Variants in SLC47A1 observed in about 807,000 individuals in gnomAD.
The protein encoded by SLC47A1 is multidrug and toxin extrusion protein 1.
A neutral mutation model predicts 65.8 loss-of-function variants in SLC47A1; 58 were observed. The ratio of observed to expected loss-of-function variants is 0.88; its 90% CI spans 0.71 to 1.10. The LOEUF (loss-of-function observed/expected upper bound fraction) is 1.10. SLC47A1 is among the 50% of genes least tolerant of loss of function. The probability of loss-of-function intolerance (pLI) is 0.00; values close to 1 mark genes in which losing one functional copy is unlikely to be tolerated. For synonymous variants in SLC47A1, 285 were observed against 295.0 expected, an observed-to-expected ratio of 0.97 and a Z score of 0.35; for missense variants, 706 against 719.2, an observed-to-expected ratio of 0.98 and a Z score of 0.21.
intron 14 of SLC47A1, among the ~76,000 whole-genome samples, chr17:19,570,667 A>T (rs1171690884): frequency 6.6e-6 from 1 of 152,096 alleles, no homozygotes; most frequent in Non-Finnish European, 1.5e-5. Context: ...TGCAAGTCTG[A>T]TTTAGGGAAG....
rs147833273 is a variant in SLC47A1, at chr17:19,561,093, A to T, written c.1106+600A>T. On this transcript the variant is annotated intron_variant, in intron 12 of 16. Transcript: ENST00000270570. Reference sequence around the variant, plus strand: ...CCAACATGGTGAAACCCCCATCTCCACTAAAAATACAAAAATTAGCTGGTC... The same window carrying T: ...CCAACATGGTGAAACCCCCATCTCCTCTAAAAATACAAAAATTAGCTGGTC... Among the ~76,000 whole-genome samples, 50 of 151,698 alleles carry T rather than the reference A, an allele frequency of 3.3e-4. No homozygotes were observed. The East Asian group carries it at 4.9e-3, about 15-fold the overall frequency.
At chr17:19,571,608 C>G (rs760610229) in intron 15 of SLC47A1, 36 bp downstream of exon 15, 8 of 1,540,946 alleles carry the variant, frequency 5.2e-6, no homozygotes, top group East Asian at 2.2e-5. Flanking sequence ...AAAGGTTCCT[C>G]TCCTAGAAAA....
At position 19,560,438 on chromosome 17, in the gene SLC47A1, A is replaced by C; in HGVS notation, c.1051A>C (p.Ser351Arg). Reference sequence around the variant, plus strand: ...TTCAGTGCTCTTTGCTGTAGCCTTCAGTGTCCTGCTGTTAAGCTGTAAGGA... The same window carrying C: ...TTCAGTGCTCTTTGCTGTAGCCTTCCGTGTCCTGCTGTTAAGCTGTAAGGA... ...LITVLFAVAFSVLLLSCKDHV... is the reference protein window; with the variant it reads ...LITVLFAVAFRVLLLSCKDHV... The change falls in exon 12 of 17, where the codon AGT (serine) becomes CGT (arginine). Residue 351 changes from serine to arginine, a missense_variant. Physicochemically the swap from Ser to Arg is moderately radical, Grantham distance 110. Coordinates refer to ENST00000270570, the MANE Select transcript of SLC47A1 (RefSeq NM_018242.3). 1 of 1,614,108 alleles carries C rather than the reference A, an allele frequency of 6.2e-7. No individual in the cohort carries two copies. Among genetic ancestry groups the C allele is most frequent in the Non-Finnish European group, 8.5e-7 (1 of 1,180,018 alleles).
chr17:19,562,491 G>A (rs1010925911), intron 12 of SLC47A1, among the ~76,000 whole-genome samples: 9 of 152,006 alleles, frequency 5.9e-5, no homozygotes, highest in African/African-American at 1.7e-4. Context: ...CTTGAACCTG[G>A]GAGACGGAGG....
intron 6 of SLC47A1, 103 bp from the exon 7 acceptor site, chr17:19,555,109 A>G (rs942902977): frequency 9.8e-7 from 1 of 1,016,464 alleles, no homozygotes; most frequent in African/African-American, 1.6e-5. Context: ...TATGCCTGTG[A>G]TACCCGCTGA....
chr17:19,555,770 T>C (rs755569293), intron 8 of SLC47A1, 26 bp from the exon 9 acceptor site: 4 of 1,613,328 alleles, frequency 2.5e-6, no homozygotes, highest in Non-Finnish European at 3.4e-6. Flanking sequence ...CCAGATCTCC[T>C]GGAAATGTGT....
chr17:19,533,936 T>C lies in SLC47A1; in HGVS notation c.-4T>C. 6.7e-7 allele frequency: 1 copy of C among 1,489,054 alleles called. No homozygotes were observed. Among genetic ancestry groups the C allele is most frequent in the East Asian group, 2.6e-5 (1 of 38,100 alleles). The allele number at this position is 1,489,054 out of a possible 1,614,324, so 92.2% of individuals were successfully genotyped here. The stretch of plus-strand genomic sequence containing the variant: ...GCGCTACCCGGCCGCAGCGCGCGAG[T>C]CACATGGAAGCTCCTGAGGAGCCCG... On this transcript the variant is annotated 5_prime_UTR_variant, in exon 1 of 17. Transcript: ENST00000270570.
At chr17:19,534,427 G>A in intron 1 of SLC47A1, 1 of 226,140 alleles carries the variant, frequency 4.4e-6, no homozygotes. Flanking sequence ...GGTCCAGGCT[G>A]CATTTGCATC....
rs936376025 is a variant in SLC47A1, at chr17:19,536,740, A to G, written c.135+2666A>G. On this transcript the variant is annotated intron_variant, in intron 1 of 16. Coordinates refer to ENST00000270570, the MANE Select transcript of SLC47A1 (RefSeq NM_018242.3). The stretch of plus-strand genomic sequence containing the variant: ...ACCACCCCCTTCTTTTCCCATGCTC[A>G]TTGTCCAATACTTTCTTCTCCAAGT... 4.0e-4 allele frequency among the ~76,000 whole-genome samples: 61 copies of G among 152,286 alleles called. 1 individual carries two copies. The highest frequency in any genetic ancestry group is 1.4e-3 in the African/African-American group (57 of 41,550).
chr17:19,571,908 G>C (rs2084402628), intron 15 of SLC47A1, among the ~76,000 whole-genome samples: 1 of 152,118 alleles, frequency 6.6e-6, no homozygotes, highest in Non-Finnish European at 1.5e-5. Flanking sequence ...TGTTTTTATG[G>C]TCTCCAAATG....
At chr17:19,534,335 C>T (rs936661869) in intron 1 of SLC47A1, 11 of 410,304 alleles carry the variant, frequency 2.7e-5, no homozygotes, top group Non-Finnish European at 4.7e-5. Flanking sequence ...CGCATGTTGG[C>T]TCGGAGAGGC....
intron 6 of SLC47A1, among the ~76,000 whole-genome samples, chr17:19,551,844 C>A (rs539066662): frequency 6.6e-6 from 1 of 152,218 alleles, no homozygotes; most frequent in Non-Finnish European, 1.5e-5. Flanking sequence ...GGGGGCAGCT[C>A]GTCTGGCAGA....
In SLC47A1 at chr17:19,560,496, G is replaced by A. The variant is rs750081973; in HGVS notation, c.1106+3G>A. ...GGGTACATTTTTACTACCGACCGGT[G>A]AGTGCTAGGATTTTCTTGAAATGTG... On this transcript the variant is annotated splice_donor_region_variant and intron_variant, in intron 12 of 16. Coordinates refer to ENST00000270570, the MANE Select transcript of SLC47A1 (RefSeq NM_018242.3). The A allele has an allele frequency of 6.2e-7, 1 of 1,614,018 alleles. No homozygotes were observed. The highest frequency in any genetic ancestry group is 8.5e-7 in the Non-Finnish European group (1 of 1,179,868).
At chr17:19,553,069 G>A (rs984354593) in intron 6 of SLC47A1, among the ~76,000 whole-genome samples, 3 of 152,116 alleles carry the variant, frequency 2.0e-5, no homozygotes, top group Non-Finnish European at 4.4e-5. Flanking sequence ...TGGGCCCCCA[G>A]GGTGGAAGGA....
Position 19,578,278 on chromosome 17 carries a change from G to A in SLC47A1, c.*725G>A, listed in dbSNP as rs1314844307. On this transcript the variant is annotated 3_prime_UTR_variant, in exon 17 of 17. Transcript: ENST00000270570. Reference sequence around the variant, plus strand: ...TTCCTGGTAGGGGTGTGTGCGTGACGTACTGCAGCCTCAACCTCCTGGGCT... The same window carrying A: ...TTCCTGGTAGGGGTGTGTGCGTGACATACTGCAGCCTCAACCTCCTGGGCT... 6.6e-6 allele frequency: 2 copies of A among 305,078 alleles called. No homozygotes were observed. Among genetic ancestry groups the A allele is most frequent in the Middle Eastern group, 4.0e-4 (1 of 2,474 alleles). 18.9% of individuals were successfully genotyped at this position (305,078 alleles called of 1,614,324 possible). A position where few individuals can be genotyped will look rare whatever the true frequency, so the allele number is the denominator to read the frequency against.
At position 19,562,548 on chromosome 17, in the gene SLC47A1, G is replaced by C. The variant is rs550193095; in HGVS notation, c.1106+2055G>C. Reference sequence around the variant, plus strand: ...CCACTGCACTCCAGCCTGGGCAACAGAGTGAGACTCTGTCTCAAAAAAAAA... The same window carrying C: ...CCACTGCACTCCAGCCTGGGCAACACAGTGAGACTCTGTCTCAAAAAAAAA... On this transcript the variant is annotated intron_variant, in intron 12 of 16. Transcript: ENST00000270570. Among the ~76,000 whole-genome samples, 6 of 143,810 alleles carry C rather than the reference G, an allele frequency of 4.2e-5. No homozygotes were observed. The South Asian group carries it at 1.4e-3, about 34-fold the overall frequency. 94.3% of individuals were successfully genotyped at this position (143,810 alleles called of 152,430 possible).
chr17:19,554,871 C>T (rs997914213), intron 6 of SLC47A1, among the ~76,000 whole-genome samples: 3 of 152,150 alleles, frequency 2.0e-5, no homozygotes, highest in Non-Finnish European at 2.9e-5. Flanking sequence ...TCCTATCGTC[C>T]AGTGTCAAAG....
At position 19,555,894 on chromosome 17, in the gene SLC47A1, G is replaced by T. The variant is rs754707583; in HGVS notation, c.838G>T (p.Gly280Trp). ...CATGGAGTGGTGGGCCTATGAGGTCGGGAGCTTCCTCAGTGGTCTGTATGA... is the reference window on the plus strand; with the variant it reads ...CATGGAGTGGTGGGCCTATGAGGTCTGGAGCTTCCTCAGTGGTCTGTATGA... Reference protein sequence around the residue: ...LCMEWWAYEVGSFLSGILGMV... With the variant: ...LCMEWWAYEVWSFLSGILGMV... The change falls in exon 9 of 17, where the codon GGG becomes TGG. Residue 280 changes from glycine to tryptophan, a missense_variant. By Grantham distance (184) the Gly-to-Trp change is radical (BLOSUM62 -2). Coordinates refer to ENST00000270570, the MANE Select transcript of SLC47A1 (RefSeq NM_018242.3). The T allele has an allele frequency of 3.7e-6, 6 of 1,613,894 alleles. No individual in the cohort carries two copies. The highest frequency in any genetic ancestry group is 5.1e-6 in the Non-Finnish European group (6 of 1,180,028).
rs982874465 is a variant in SLC47A1, at chr17:19,534,079, G to A, written c.135+5G>A. ...TTGGTCCTGGCTGGCCCCGCGGTGA[G>A]TAAGGTGGCCTCAGTGGCAGGCCGG... is the stretch of plus-strand genomic sequence containing the variant. On this transcript the variant is annotated splice_donor_5th_base_variant and intron_variant, in intron 1 of 16. Coordinates refer to ENST00000270570, the MANE Select transcript of SLC47A1 (RefSeq NM_018242.3). The A allele has an allele frequency of 2.6e-6, 4 of 1,534,104 alleles. No homozygotes were observed. Among genetic ancestry groups the A allele is most frequent in the Non-Finnish European group, 3.5e-6 (4 of 1,140,484 alleles).
Sources: allele counts gnomAD v4.1 joint callset (sites outside exome capture counted in the v4.1 genomes callset), GRCh38; gene constraint gnomAD v4.1.1; transcripts MANE v1.5; gene names NCBI Gene and HGNC (gene_info 2026-07-23, HGNC 2026-07-21).